C16orf96: variants seen among roughly 807,000 people sequenced by gnomAD.
The protein encoded by C16orf96 is chromosome 16 open reading frame 96.
C16orf96 carries 108 observed loss-of-function variants against 103.6 expected under a neutral mutation model. The ratio of observed to expected loss-of-function variants is 1.04; its 90% CI spans 0.89 to 1.22. The LOEUF (loss-of-function observed/expected upper bound fraction) is 1.22. Ranked by LOEUF, C16orf96 falls within the 50% of genes most tolerant of loss-of-function variation. The pLI, the probability that C16orf96 is intolerant of heterozygous loss-of-function variation, is 0.00. For missense variants in C16orf96, 1,586 were observed against 1,464.2 expected, an observed-to-expected ratio of 1.08 and a Z score of -1.36; for synonymous variants, 566 against 593.5, an observed-to-expected ratio of 0.95 and a Z score of 0.67.
chr16:4,544,589 A>C, the C16orf96 span, among the ~76,000 whole-genome samples: 1 of 152,190 alleles, frequency 6.6e-6, no homozygotes, highest in Non-Finnish European at 1.5e-5. Context: ...AGCCTGGGTG[A>C]CAGAGCCTGA....
chr16:4,541,710 T>C, the C16orf96 span, among the ~76,000 whole-genome samples: 6 of 152,230 alleles, frequency 3.9e-5, no homozygotes, highest in Admixed American at 3.9e-4. Flanking sequence ...AGAAGTGCTG[T>C]CTAGCATTCC....
intron 12 of C16orf96, 38 bp from the exon 13 acceptor site, chr16:4,594,313 G>A (rs1475435932): frequency 3.2e-6 from 5 of 1,544,308 alleles, no homozygotes; most frequent in Non-Finnish European, 4.4e-6. Context: ...TGGGGTACAG[G>A]GTCTCCAGGT....
chr16:4,551,186 G>T, the C16orf96 span, among the ~76,000 whole-genome samples: 2 of 152,204 alleles, frequency 1.3e-5, no homozygotes, highest in Non-Finnish European at 2.9e-5. Flanking sequence ...CAGAAGGATT[G>T]CTGGAACCCA....
At chr16:4,559,972 A>T (rs542068549) in intron 1 of C16orf96, 3 of 152,222 alleles carry the variant, frequency 2.0e-5, no homozygotes, top group African/African-American at 7.2e-5. Flanking sequence ...GGAAGTAGAT[A>T]GTGGTGTACA....
intron 1 of C16orf96, among the ~76,000 whole-genome samples, chr16:4,559,550 C>CA (rs71139641): frequency 0.58 from 46,036 of 78,912 alleles, 9,034 homozygotes; most frequent in Middle Eastern, 0.63. Flanking sequence ...GACTCCATCT[C>CA]AAAAAAAAAA....
At chr16:4,555,995 C>T (rs940923664), upstream of C16orf96, among the ~76,000 whole-genome samples, 4 of 152,260 alleles carry the variant, frequency 2.6e-5, no homozygotes, top group African/African-American at 9.6e-5. Context: ...CCCCCACACC[C>T]ACCCAGCCAG....
At chr16:4,542,403 T>C in the C16orf96 span, among the ~76,000 whole-genome samples, 2 of 152,058 alleles carry the variant, frequency 1.3e-5, no homozygotes, top group Non-Finnish European at 2.9e-5. Context: ...AATAAAAATT[T>C]CCCAGTAACC....
chr16:4,587,053 A>C lies in C16orf96; in HGVS notation c.2367A>C (p.Gln789His). ...RMDEFKTLQA[Q>H]IKRLEMNKVN... is the part of the protein sequence containing the mutation. ...TCTGTTCTTAGACTCTCCAGGCTCA[A>C]ATCAAAAGACTGGAAATGAACAAGG... The change falls in exon 8 of 16, where the codon CAA (glutamine) becomes CAC (histidine). Residue 789 changes from glutamine to histidine, a missense_variant. Transcript: ENST00000444310. 1 of 1,551,564 alleles carries C rather than the reference A, an allele frequency of 6.4e-7. No individual in the cohort carries two copies. Among genetic ancestry groups the C allele is most frequent in the Non-Finnish European group, 8.7e-7 (1 of 1,146,912 alleles).
In C16orf96 at chr16:4,576,422, C is replaced by T. The variant is rs1226954430; in HGVS notation, c.1942C>T (p.Leu648Phe). 4 of 1,551,078 alleles carry T rather than the reference C, an allele frequency of 2.6e-6. No individual in the cohort carries two copies. The African/African-American group carries it at 4.1e-5, about 16-fold the overall frequency. The change falls in exon 5 of 16, where the codon CTC becomes TTC. Residue 648 changes from leucine to phenylalanine, a missense_variant. By Grantham distance (22) the Leu-to-Phe change is conservative (BLOSUM62 0). Coordinates refer to ENST00000444310, the MANE Select transcript of C16orf96 (RefSeq NM_001145011.2). ...LGDDSEIYEI[L>F]SPSYSAASIG... ...CGATGATTCCGAAATCTACGAAATC[C>T]TCTCTCCCTCCTACTCTGCTGCCAG...
intron 9 of C16orf96, among the ~76,000 whole-genome samples, chr16:4,590,453 G>T (rs769176590): frequency 6.6e-6 from 1 of 151,720 alleles, no homozygotes; most frequent in Non-Finnish European, 1.5e-5. Context: ...AGCTACTCGG[G>T]AGACTGAGGC....
chr16:4,551,220 C>T, the C16orf96 span, among the ~76,000 whole-genome samples: 4 of 152,154 alleles, frequency 2.6e-5, no homozygotes, highest in South Asian at 2.1e-4. Flanking sequence ...GCGTGAGCTG[C>T]GATCGCACCA....
At chr16:4,549,580 C>A in the C16orf96 span, among the ~76,000 whole-genome samples, 1 of 151,660 alleles carries the variant, frequency 6.6e-6, no homozygotes, top group African/African-American at 2.4e-5. Flanking sequence ...GGTGGATCAT[C>A]TGAGGTTAGG....
In C16orf96 at chr16:4,575,639, C is replaced by T. The variant is rs1364262496; in HGVS notation, c.1159C>T (p.Pro387Ser). 2 of 1,532,224 alleles carry T rather than the reference C, an allele frequency of 1.3e-6. No homozygotes were observed. Among genetic ancestry groups the T allele is most frequent in the Non-Finnish European group, 1.8e-6 (2 of 1,138,422 alleles). The allele number at this position is 1,532,224 out of a possible 1,614,324, so 94.9% of individuals were successfully genotyped here. A position where few individuals can be genotyped will look rare whatever the true frequency, so the allele number is the denominator to read the frequency against. ...GAQPPPLGDW[P>S]ALPRRWPLPQ... ...CCAGCCTCCACCACTGGGAGACTGG[C>T]CTGCACTCCCAAGACGCTGGCCTCT... is the stretch of plus-strand genomic sequence containing the variant. Residue 387 changes from proline to serine, a missense_variant, in exon 5 of 16, where the codon CCT (proline) becomes TCT (serine). By Grantham distance (74) the Pro-to-Ser change is moderately conservative (BLOSUM62 -1). Coordinates refer to ENST00000444310, the MANE Select transcript of C16orf96 (RefSeq NM_001145011.2).
At chr16:4,592,538 A>G (rs1353364626) in intron 11 of C16orf96, among the ~76,000 whole-genome samples, 171 bp downstream of exon 11, 1 of 151,830 alleles carries the variant, frequency 6.6e-6, no homozygotes, top group Admixed American at 6.6e-5. Context: ...ACCATTCTCT[A>G]TGCACCAGGT....
intron 1 of C16orf96, among the ~76,000 whole-genome samples, chr16:4,557,416 G>A (rs1247155903): frequency 1.3e-5 from 2 of 152,150 alleles, no homozygotes; most frequent in African/African-American, 2.4e-5. Flanking sequence ...AGACACAAAA[G>A]GCTACCCAGT....
chr16:4,592,719 C>A (rs1897087589), intron 11 of C16orf96, among the ~76,000 whole-genome samples: 1 of 152,214 alleles, frequency 6.6e-6, no homozygotes, highest in Non-Finnish European at 1.5e-5. Flanking sequence ...AAATATGCGG[C>A]CTTGTATGAT....
chr16:4,595,346 T>C (rs1897148340), intron 14 of C16orf96, among the ~76,000 whole-genome samples: 1 of 152,124 alleles, frequency 6.6e-6, no homozygotes, highest in African/African-American at 2.4e-5. Context: ...AGGAGGAGAC[T>C]TGGGCCAGAC....
the C16orf96 span, among the ~76,000 whole-genome samples, chr16:4,547,938 C>A: frequency 6.6e-6 from 1 of 151,772 alleles, no homozygotes; most frequent in East Asian, 1.9e-4. Context: ...CTGCACCCGG[C>A]TGAGTTTTCT....
At chr16:4,568,543 GCAGCT>G (rs1318918536) in intron 1 of C16orf96, among the ~76,000 whole-genome samples, 1 of 151,542 alleles carries the variant, frequency 6.6e-6, no homozygotes, top group Non-Finnish European at 1.5e-5. Flanking sequence ...TCCTTCCACT[GCAGCT>G]ACCCAAAATG....
Sources: allele counts gnomAD v4.1 joint callset (sites outside exome capture counted in the v4.1 genomes callset), GRCh38; gene constraint gnomAD v4.1.1; transcripts MANE v1.5; gene names NCBI Gene and HGNC (gene_info 2026-07-23, HGNC 2026-07-21).